Variants in TRUB2 observed in about 807,000 individuals in gnomAD.
The protein encoded by TRUB2 is pseudouridylate synthase TRUB2, mitochondrial.
In TRUB2, 31 loss-of-function variants were observed where a neutral mutation model predicts 31.9. The ratio of observed to expected loss-of-function variants is 0.97; its 90% CI spans 0.73 to 1.31. TRUB2 has a LOEUF of 1.31. Among genes scored for constraint, TRUB2 ranks in the 50% most tolerant of loss-of-function variants. The pLI, the probability that TRUB2 is intolerant of heterozygous loss-of-function variation, is 0.00. For synonymous variants in TRUB2, 201 were observed against 182.6 expected (o/e 1.10, Z -0.81); for missense variants, 451 against 439.6 (o/e 1.03, Z -0.23).
intron 7 of TRUB2, 73 bp downstream of exon 7, chr9:128,310,814 G>C: frequency 1.9e-6 from 3 of 1,589,686 alleles, no homozygotes; most frequent in Non-Finnish European, 1.7e-6. Context: ...AGTGACCTCT[G>C]CAAGAGCGTT....
In TRUB2 at chr9:128,314,421, T is replaced by C. The variant is rs543377106; in HGVS notation, c.379-532A>G. ...CCCAGATCAGGCCCTTGCTCATCCC[T>C]GCTTGTAAAAACTCCCCCTCCTCTG... On this transcript the variant is annotated intron_variant, in intron 4 of 7. Coordinates refer to ENST00000372890, the MANE Select transcript of TRUB2 (RefSeq NM_015679.3). Among the ~76,000 whole-genome samples, 4 of 152,150 alleles carry C rather than the reference T, an allele frequency of 2.6e-5. No individual in the cohort carries two copies. The South Asian group carries it at 8.3e-4, about 32-fold the overall frequency.
At chr9:128,311,738 T>C in intron 5 of TRUB2, 137 bp from the exon 6 acceptor site, 2 of 849,026 alleles carry the variant, frequency 2.4e-6, no homozygotes, top group Non-Finnish European at 3.8e-6. Context: ...GCGGGGTGGT[T>C]GGGAGTCCTT....
chr9:128,320,159 G>A (rs1475045211), intron 2 of TRUB2, among the ~76,000 whole-genome samples: 3 of 150,512 alleles, frequency 2.0e-5, no homozygotes, highest in East Asian at 2.0e-4. Context: ...CTCGTGATCC[G>A]CCCACCTCAG....
At position 128,311,567 on chromosome 9, in the gene TRUB2, C is replaced by T. The variant is rs201239773; in HGVS notation, c.495G>A (p.Leu165=). Residue 165 remains leucine (L), a synonymous_variant, in exon 6 of 8, where the codon CTG becomes CTA. Coordinates refer to ENST00000372890, the MANE Select transcript of TRUB2 (RefSeq NM_015679.3). ...HVTREKLDRI[L]AVIQGSHQKA... Reference sequence around the variant, plus strand: ...TCTGATGGGAGCCTTGGATAACGGCCAGAATGCGGTCCAGCTTCTCTCTGG... The same window carrying T: ...TCTGATGGGAGCCTTGGATAACGGCTAGAATGCGGTCCAGCTTCTCTCTGG... 4.3e-6 allele frequency: 7 copies of T among 1,614,076 alleles called. No homozygotes were observed.
intron 5 of TRUB2, 56 bp downstream of exon 5, chr9:128,313,752 G>A: frequency 6.6e-7 from 1 of 1,521,088 alleles, no homozygotes. Flanking sequence ...GGCGGGGAGA[G>A]GACTCAGGGA....
intron 7 of TRUB2, 83 bp downstream of exon 7, chr9:128,310,804 A>C: frequency 3.2e-6 from 5 of 1,568,638 alleles, no homozygotes; most frequent in Non-Finnish European, 4.4e-6. Context: ...GCCAGACAAC[A>C]GTGACCTCTG....
In TRUB2 at chr9:128,310,957, G is replaced by A. The variant is rs2131443303; in HGVS notation, c.600C>T (p.Pro200=). Residue 200 remains proline (P), a synonymous_variant, in exon 7 of 8, where the codon CCC becomes CCT. Coordinates refer to ENST00000372890, the MANE Select transcript of TRUB2 (RefSeq NM_015679.3). ...YEMAVRGLIR[P]MNKSPMLITG... ...TTATCAGCATCGGGGACTTGTTCAT[G>A]GGCCGGATCAGGCCTCTCACGGCCA... 6.2e-7 allele frequency: 1 copy of A among 1,614,238 alleles called. No individual in the cohort carries two copies. The highest frequency in any genetic ancestry group is 1.1e-5 in the South Asian group (1 of 91,092).
intron 7 of TRUB2, among the ~76,000 whole-genome samples, chr9:128,310,288 C>T (rs1320485072): frequency 2.0e-5 from 3 of 151,972 alleles, no homozygotes; most frequent in Admixed American, 2.0e-4. Flanking sequence ...AGGGTCTCGC[C>T]ATCTTGCCCA....
In TRUB2 at chr9:128,309,742, G is replaced by A; in HGVS notation, c.804C>T (p.Ala268=). 1 of 1,614,252 alleles carries A rather than the reference G, an allele frequency of 6.2e-7. No homozygotes were observed. The highest frequency in any genetic ancestry group is 1.7e-5 in the Admixed American group (1 of 60,030). ...TTAGGTCCCACTGGGTCCTCAGGAGGGCACTGTCTAGCGTGAAGAAGCCGT... is the reference window on the plus strand; with the variant it reads ...TTAGGTCCCACTGGGTCCTCAGGAGAGCACTGTCTAGCGTGAAGAAGCCGT... ...TRDGFFTLDS[A]LLRTQWDLTN... The change falls in exon 8 of 8, where the codon GCC becomes GCT. Residue 268 remains alanine, a synonymous_variant. Coordinates refer to ENST00000372890, the MANE Select transcript of TRUB2 (RefSeq NM_015679.3).
At position 128,309,412 on chromosome 9, in the gene TRUB2, G is replaced by A; in HGVS notation, c.*138C>T. 1.1e-6 allele frequency: 1 copy of A among 926,922 alleles called. No individual in the cohort carries two copies. The highest frequency in any genetic ancestry group is 1.6e-6 in the Non-Finnish European group (1 of 625,806). 57.4% of individuals were successfully genotyped at this position (926,922 alleles called of 1,614,324 possible). ...CCTTCTCAGTTGGGTCAAGTCCATT[G>A]ACCTTTCTGTTACAGCTTGAGTTTT... On this transcript the variant is annotated 3_prime_UTR_variant, in exon 8 of 8. Coordinates refer to ENST00000372890, the MANE Select transcript of TRUB2 (RefSeq NM_015679.3).
chr9:128,321,570 A>G (rs1832176205), intron 2 of TRUB2, 29 bp downstream of exon 2: 1 of 1,612,444 alleles, frequency 6.2e-7, no homozygotes, highest in South Asian at 1.1e-5. Flanking sequence ...GGGAAGTGAC[A>G]CACAGGATCC....
chr9:128,313,459 C>T (rs1178452839), intron 5 of TRUB2, among the ~76,000 whole-genome samples: 1 of 149,968 alleles, frequency 6.7e-6, no homozygotes, highest in Non-Finnish European at 1.5e-5. Flanking sequence ...TGGCGTGAAC[C>T]CGGGAGGTGG....
chr9:128,315,845 T>C (rs934613335), intron 3 of TRUB2: 15 of 564,978 alleles, frequency 2.7e-5, no homozygotes, highest in African/African-American at 5.6e-5. Context: ...ATCTGACTCA[T>C]GGTTGGAGGG....
rs570018404 is a variant in TRUB2 at position 128,312,861 on chromosome 9, C to A, written c.460+947G>T. On this transcript the variant is annotated intron_variant, in intron 5 of 7. Transcript: ENST00000372890. Reference sequence around the variant, plus strand: ...ACTCCTGACCTTGTGATCCACCCATCTCGACCTCCCAAAGTGCTGGGATTA... The same window carrying A: ...ACTCCTGACCTTGTGATCCACCCATATCGACCTCCCAAAGTGCTGGGATTA... 3.9e-5 allele frequency among the ~76,000 whole-genome samples: 6 copies of A among 152,054 alleles called. No individual in the cohort carries two copies. The East Asian group carries it at 1.2e-3, about 30-fold the overall frequency.
At chr9:128,309,945 A>G (rs1831940055) in intron 7 of TRUB2, 70 bp from the exon 8 acceptor site, 1 of 1,517,032 alleles carries the variant, frequency 6.6e-7, no homozygotes, top group Non-Finnish European at 8.9e-7. Context: ...GTGAACGCAC[A>G]CCCCTTGGAT....
chr9:128,311,276 T>C (rs1831963708), intron 6 of TRUB2: 1 of 623,032 alleles, frequency 1.6e-6, no homozygotes, highest in Non-Finnish European at 2.8e-6. Context: ...ATGTGGTCCC[T>C]GGTTTCCTTG....
chr9:128,314,918 A>AT (rs1832041409), intron 4 of TRUB2, among the ~76,000 whole-genome samples: 1 of 152,094 alleles, frequency 6.6e-6, no homozygotes, highest in South Asian at 2.1e-4. Flanking sequence ...AGGCACACAG[A>AT]TATTAATTAG....
chr9:128,322,012 G>A (rs1832192840), intron 1 of TRUB2, among the ~76,000 whole-genome samples: 2 of 152,184 alleles, frequency 1.3e-5, no homozygotes, highest in Non-Finnish European at 2.9e-5. Context: ...AGAAGACAAA[G>A]CAGAAGCCCA....
intron 7 of TRUB2, 44 bp downstream of exon 7, chr9:128,310,843 C>T: frequency 6.2e-7 from 1 of 1,611,090 alleles, no homozygotes; most frequent in Non-Finnish European, 8.5e-7. Context: ...ACTCCCAAAC[C>T]TACGGGTCCC....
Sources: gnomAD v4.1 joint callset for allele counts (sites outside exome capture counted in the v4.1 genomes callset) on GRCh38, gnomAD v4.1.1 for gene constraint, MANE v1.5 for transcripts, NCBI Gene and HGNC (gene_info 2026-07-23, HGNC 2026-07-21) for gene names.